Variants in TENM3 observed in about 807,000 individuals in gnomAD.
TENM3 encodes teneurin-3.
A neutral mutation model predicts 255.1 loss-of-function variants in TENM3; 63 were observed. The observed-to-expected ratio is 0.25, with a 90% CI of 0.20 to 0.30. TENM3 has a LOEUF of 0.30. Ranked by LOEUF, TENM3 falls within the 10% of genes least tolerant of loss-of-function variation. TENM3 has a pLI of 1.00. For synonymous variants in TENM3, 1,306 were observed against 1,322.3 expected, an observed-to-expected ratio of 0.99 and a Z score of 0.27; for missense variants, 2,929 against 3,461.1, an observed-to-expected ratio of 0.85 and a Z score of 3.86.
chr4:182,008,112 C>T, the TENM3 span, among the ~76,000 whole-genome samples: 1 of 152,152 alleles, frequency 6.6e-6, no homozygotes, highest in Non-Finnish European at 1.5e-5. Context: ...TGATGGGCTT[C>T]CCTTTGTAAG....
At chr4:182,555,167 T>C (rs898135683) in intron 3 of TENM3, among the ~76,000 whole-genome samples, 2 of 152,200 alleles carry the variant, frequency 1.3e-5, no homozygotes, top group African/African-American at 4.8e-5. Flanking sequence ...AGAATTAGTC[T>C]ATGACTGAAG....
intron 1 of TENM3, among the ~76,000 whole-genome samples, chr4:182,205,581 G>A (rs577903850): frequency 1.3e-5 from 2 of 152,226 alleles, no homozygotes; most frequent in Non-Finnish European, 2.9e-5. Context: ...GTGCTCCCCT[G>A]GGCCCCCCCA....
intron 1 of TENM3, among the ~76,000 whole-genome samples, chr4:182,273,540 C>T (rs922484407): frequency 2.0e-5 from 3 of 152,090 alleles, no homozygotes; most frequent in Non-Finnish European, 4.4e-5. Flanking sequence ...CCTTTTTGGC[C>T]GAATATCCTT....
chr4:181,660,047 ACAT>A, the TENM3 span, among the ~76,000 whole-genome samples: 1 of 152,210 alleles, frequency 6.6e-6, no homozygotes, highest in African/African-American at 2.4e-5. Context: ...GCAGAAATAA[ACAT>A]CATTGCAGAA....
the TENM3 span, among the ~76,000 whole-genome samples, chr4:181,904,629 T>C: frequency 6.6e-6 from 1 of 152,212 alleles, no homozygotes; most frequent in East Asian, 1.9e-4. Flanking sequence ...TTCACTGACC[T>C]CTTTGTCACT....
chr4:181,944,852 A>G, the TENM3 span, among the ~76,000 whole-genome samples: 1 of 152,020 alleles, frequency 6.6e-6, no homozygotes, highest in Admixed American at 6.6e-5. Context: ...GCACCTGTGT[A>G]CAAACGCCAG....
At position 182,792,584 on chromosome 4, in the gene TENM3, A is replaced by T; in HGVS notation, c.5912A>T (p.Asp1971Val). ...YDSTRVSFTYDETAGVLKTVN... is the reference protein window; with the variant it reads ...YDSTRVSFTYVETAGVLKTVN... Reference sequence around the variant, plus strand: ...AGCACAAGAGTCAGTTTTACCTATGATGAAACAGCAGGAGTCCTAAAGACA... The same window carrying T: ...AGCACAAGAGTCAGTTTTACCTATGTTGAAACAGCAGGAGTCCTAAAGACA... The change falls in exon 26 of 28, where the codon GAT (aspartate) becomes GTT (valine). Residue 1971 changes from aspartate to valine, a missense_variant. Physicochemically the swap from Asp to Val is radical, Grantham distance 152. Transcript: ENST00000511685. The surrounding 1 kb of genome is among the most constrained non-coding windows in gnomAD (Gnocchi z 6.3). 6.2e-7 allele frequency: 1 copy of T among 1,614,028 alleles called. No individual in the cohort carries two copies. Among genetic ancestry groups the T allele is most frequent in the Non-Finnish European group, 8.5e-7 (1 of 1,179,886 alleles).
At chr4:181,682,343 C>T in the TENM3 span, among the ~76,000 whole-genome samples, 75 of 152,066 alleles carry the variant, frequency 4.9e-4, no homozygotes, top group Non-Finnish European at 8.1e-4. Context: ...AGACATTTTT[C>T]CCTGTCTTTT....
intron 3 of TENM3, among the ~76,000 whole-genome samples, chr4:182,520,597 T>C (rs1408152118): frequency 1.3e-5 from 2 of 152,198 alleles, no homozygotes; most frequent in Non-Finnish European, 2.9e-5. Context: ...TCCTGCTAAG[T>C]GTATGAGCTG....
chr4:182,727,802 T>C (rs1329330879), intron 13 of TENM3, among the ~76,000 whole-genome samples: 1 of 152,190 alleles, frequency 6.6e-6, no homozygotes, highest in Non-Finnish European at 1.5e-5. Flanking sequence ...GTCCAGGCTC[T>C]TGTTTAAAAT....
At chr4:181,839,306 C>G in the TENM3 span, among the ~76,000 whole-genome samples, 1 of 144,210 alleles carries the variant, frequency 6.9e-6, no homozygotes, top group African/African-American at 2.5e-5. Flanking sequence ...TATCTTCTCT[C>G]TGTCTGTATG....
the TENM3 span, among the ~76,000 whole-genome samples, chr4:181,908,905 G>A: frequency 1.3e-5 from 2 of 152,204 alleles, no homozygotes; most frequent in African/African-American, 2.4e-5. Flanking sequence ...GGAAAAAGAA[G>A]TGCAAGCGAG....
chr4:181,535,009 C>T, the TENM3 span, among the ~76,000 whole-genome samples: 1 of 152,190 alleles, frequency 6.6e-6, no homozygotes, highest in African/African-American at 2.4e-5. Flanking sequence ...TAATTTCAGC[C>T]TCCCTGGCTA....
the TENM3 span, among the ~76,000 whole-genome samples, chr4:181,719,477 T>C: frequency 2.0e-5 from 3 of 152,150 alleles, no homozygotes; most frequent in Non-Finnish European, 2.9e-5. Context: ...GCCGATTCAG[T>C]GTCTGGTGAA....
the TENM3 span, among the ~76,000 whole-genome samples, chr4:181,849,212 G>A: frequency 1.3e-5 from 2 of 152,078 alleles, no homozygotes; most frequent in Non-Finnish European, 2.9e-5. Context: ...ATTAGTGAAT[G>A]GAAAAGACAT....
chr4:181,482,161 G>T, the TENM3 span, among the ~76,000 whole-genome samples: 2 of 151,888 alleles, frequency 1.3e-5, no homozygotes, highest in African/African-American at 4.8e-5. Context: ...TATTAATAGG[G>T]TATGTAATGA....
chr4:181,473,693 G>A, the TENM3 span, among the ~76,000 whole-genome samples: 1 of 143,932 alleles, frequency 6.9e-6, no homozygotes, highest in Admixed American at 8.3e-5. Flanking sequence ...ACATGCCTAT[G>A]GGTTGCCCTT....
the TENM3 span, among the ~76,000 whole-genome samples, chr4:181,878,857 GTCTA>G: frequency 4.6e-5 from 7 of 151,860 alleles, no homozygotes; most frequent in African/African-American, 1.7e-4. Context: ...CTATCTTTCT[GTCTA>G]TCTATCTATC....
intron 19 of TENM3, among the ~76,000 whole-genome samples, chr4:182,749,045 T>C (rs1053161916): frequency 3.3e-5 from 5 of 152,190 alleles, no homozygotes; most frequent in African/African-American, 1.2e-4. Context: ...ATCACTTGAA[T>C]GTCCATTCGT....
Sources: allele counts gnomAD v4.1 joint callset (sites outside exome capture counted in the v4.1 genomes callset), GRCh38; gene constraint gnomAD v4.1.1; non-coding constraint Gnocchi (gnomAD v3.1); transcripts MANE v1.5; gene names NCBI Gene and HGNC (gene_info 2026-07-23, HGNC 2026-07-21).